Variants in PTPRN2 observed in about 807,000 individuals in gnomAD.
PTPRN2 encodes protein tyrosine phosphatase receptor type N2.
Under a neutral mutation model 118.8 loss-of-function variants are expected in PTPRN2, and 74 were observed. The observed-to-expected ratio is 0.62, with a 90% CI of 0.52 to 0.76. PTPRN2 has a LOEUF of 0.76. Ranked by LOEUF, PTPRN2 falls within the 30% of genes least tolerant of loss-of-function variation. The pLI is 0.00. For missense variants in PTPRN2, 1,481 were observed against 1,394.4 expected, an observed-to-expected ratio of 1.06 and a Z score of -0.99; for synonymous variants, 641 against 608.0, an observed-to-expected ratio of 1.05 and a Z score of -0.80.
chr7:157,656,328 G>A (rs1269006012), intron 14 of PTPRN2, 29 bp downstream of exon 14: 1 of 1,527,784 alleles, frequency 6.5e-7, no homozygotes, highest in Admixed American at 2.0e-5. Context: ...TGGTGTTTGT[G>A]TGGCAGGGAG....
intron 11 of PTPRN2, among the ~76,000 whole-genome samples, chr7:158,070,803 CGTGGTGGTGAAGGTGCCCG>C (rs1811292600): frequency 1.0e-5 from 1 of 95,956 alleles, no homozygotes; most frequent in Admixed American, 1.1e-4. Flanking sequence ...TGGAGGTGCC[CGTGGTGGTGAAGGTGCCCG>C]TGGTGGTGGA....
rs1371575256 is a variant in PTPRN2 at position 158,557,337 on chromosome 7, G to GCGCAGGTCAGACGGCTCCCA, written c.112+30201_112+30220dup. Among the ~76,000 whole-genome samples, 20 of 135,732 alleles carry GCGCAGGTCAGACGGCTCCCA rather than the reference G, an allele frequency of 1.5e-4. No individual in the cohort carries two copies. The East Asian group carries it at 3.6e-3, about 24-fold the overall frequency. 89.0% of individuals were successfully genotyped at this position (135,732 alleles called of 152,430 possible). On this transcript the variant is annotated intron_variant, in intron 1 of 22. Transcript: ENST00000389418. ...CTCCCGCGCAGGGCAGGCGGCTCCC[G>GCGCAGGTCAGACGGCTCCCA]CGCAGGTCAGACGGCTCCCACGCAG...
intron 12 of PTPRN2, among the ~76,000 whole-genome samples, chr7:157,696,566 T>C (rs1270917657): frequency 1.1e-3 from 92 of 84,252 alleles, no homozygotes; most frequent in Non-Finnish European, 1.3e-3. Flanking sequence ...TGGATCTTAG[T>C]AGAGCCCTCA....
chr7:157,880,133 G>A (rs1021550013), intron 12 of PTPRN2, among the ~76,000 whole-genome samples: 7 of 152,074 alleles, frequency 4.6e-5, no homozygotes, highest in Admixed American at 2.0e-4. Flanking sequence ...AATCTAAGAC[G>A]GACTGGAAAT....
chr7:158,460,287 C>G (rs1818882093), intron 2 of PTPRN2, among the ~76,000 whole-genome samples: 1 of 148,810 alleles, frequency 6.7e-6, no homozygotes, highest in Admixed American at 6.7e-5. Context: ...CAGAATGGGA[C>G]TCTATCTACA....
At chr7:157,707,700 C>T (rs1452613574) in intron 12 of PTPRN2, among the ~76,000 whole-genome samples, 1 of 152,146 alleles carries the variant, frequency 6.6e-6, no homozygotes, top group Admixed American at 6.5e-5. Flanking sequence ...TCTCCTGCCT[C>T]AGCCTCCCAT....
At position 157,539,670 on chromosome 7, in the gene PTPRN2, C is replaced by G. The variant is rs1220670227; in HGVS notation, c.*1044G>C. 1 of 150,980 alleles carries G rather than the reference C, an allele frequency of 6.6e-6. No homozygotes were observed. The highest frequency in any genetic ancestry group is 1.5e-5 in the Non-Finnish European group (1 of 67,954). 9.4% of individuals were successfully genotyped at this position (150,980 alleles called of 1,614,324 possible). ...GCTGGTTTCTCACTTCCCTTCCAGG[C>G]TCTACGCAGTGCGTGCAGGTCGCCC... is the stretch of plus-strand genomic sequence containing the variant. On this transcript the variant is annotated 3_prime_UTR_variant, in exon 23 of 23. Transcript: ENST00000389418.
intron 11 of PTPRN2, among the ~76,000 whole-genome samples, chr7:158,026,881 C>G (rs1026021702): frequency 6.6e-6 from 1 of 152,248 alleles, no homozygotes; most frequent in African/African-American, 2.4e-5. Flanking sequence ...ACAGGACACA[C>G]AGCAGTGATG....
At chr7:158,127,350 G>C (rs1473219059) in intron 9 of PTPRN2, among the ~76,000 whole-genome samples, 1 of 152,080 alleles carries the variant, frequency 6.6e-6, no homozygotes, top group Non-Finnish European at 1.5e-5. Flanking sequence ...CTCTGCACGT[G>C]GCCCGGGCTC....
chr7:158,060,967 C>G (rs1412087859), intron 11 of PTPRN2, among the ~76,000 whole-genome samples: 1 of 152,252 alleles, frequency 6.6e-6, no homozygotes, highest in Non-Finnish European at 1.5e-5. Flanking sequence ...AGCTGCATTT[C>G]TTTCAAAACA....
chr7:158,081,972 A>G (rs897822941), intron 10 of PTPRN2, among the ~76,000 whole-genome samples: 1 of 151,880 alleles, frequency 6.6e-6, no homozygotes, highest in African/African-American at 2.4e-5. Context: ...CCCCATATGC[A>G]GTAGAAACTG....
chr7:158,214,136 C>T (rs1052593276), intron 3 of PTPRN2, among the ~76,000 whole-genome samples: 1 of 152,052 alleles, frequency 6.6e-6, no homozygotes, highest in Non-Finnish European at 1.5e-5. Flanking sequence ...TAAGCATCTC[C>T]TATGAACTTC....
intron 2 of PTPRN2, among the ~76,000 whole-genome samples, chr7:158,365,133 CCA>C: frequency 6.6e-6 from 1 of 152,180 alleles, no homozygotes; most frequent in East Asian, 1.9e-4. Context: ...TGAAAAAACC[CCA>C]GACTCGAAAG....
chr7:158,188,258 G>C lies in PTPRN2; in HGVS notation c.549+4069C>G, dbSNP rs1451969612. Among the ~76,000 whole-genome samples, 2 of 74,234 alleles carry C rather than the reference G, an allele frequency of 2.7e-5. 1 individual carries two copies. The highest frequency in any genetic ancestry group is 5.2e-5 in the Non-Finnish European group (2 of 38,514). 48.7% of individuals were successfully genotyped at this position (74,234 alleles called of 152,430 possible). A position where few individuals can be genotyped will look rare whatever the true frequency, so the allele number is the denominator to read the frequency against. ...CGCTTGCCCCGCGATGGGGAAGGCCGCCACGCTCGCCCCCTGTATGGGGAA... is the reference window on the plus strand; with the variant it reads ...CGCTTGCCCCGCGATGGGGAAGGCCCCCACGCTCGCCCCCTGTATGGGGAA... On this transcript the variant is annotated intron_variant, in intron 5 of 22. Transcript: ENST00000389418.
At chr7:158,489,350 G>A (rs928505515) in intron 2 of PTPRN2, among the ~76,000 whole-genome samples, 7 of 152,224 alleles carry the variant, frequency 4.6e-5, no homozygotes, top group Non-Finnish European at 8.8e-5. Flanking sequence ...AGGAGGCTGA[G>A]GCAGGAGAAT....
intron 2 of PTPRN2, among the ~76,000 whole-genome samples, chr7:158,419,490 G>A (rs542499961): frequency 1.3e-5 from 2 of 152,100 alleles, no homozygotes; most frequent in Non-Finnish European, 2.9e-5. Flanking sequence ...CGGGACTCTC[G>A]GAGGTGCCCA....
chr7:158,235,700 T>A (rs1345137937), intron 3 of PTPRN2, among the ~76,000 whole-genome samples: 1 of 152,166 alleles, frequency 6.6e-6, no homozygotes, highest in South Asian at 2.1e-4. Flanking sequence ...GAGTTAACAA[T>A]AATGTATGTA....
chr7:158,151,497 G>GCCCCTCCCTGCCCACACCA (rs1821132195), intron 6 of PTPRN2, among the ~76,000 whole-genome samples: 1 of 20,014 alleles, frequency 5.0e-5, no homozygotes. Context: ...TGCCCACACC[G>GCCCCTCCCTGCCCACACCA]CCCGCCTTTC....
At chr7:158,496,855 C>A (rs1426790398) in intron 1 of PTPRN2, among the ~76,000 whole-genome samples, 2 of 6,936 alleles carry the variant, frequency 2.9e-4, no homozygotes, top group East Asian at 4.0e-3. Flanking sequence ...CTTCCCTGCA[C>A]CCCCTCCCCT....
Sources: allele counts gnomAD v4.1 joint callset (sites outside exome capture counted in the v4.1 genomes callset), GRCh38; gene constraint gnomAD v4.1.1; transcripts MANE v1.5; gene names NCBI Gene and HGNC (gene_info 2026-07-23, HGNC 2026-07-21).